Variants in TRPM3 observed in about 807,000 individuals in gnomAD.
The protein encoded by TRPM3 is transient receptor potential cation channel subfamily M member 3, also known as long transient receptor potential channel 3.
Under a neutral mutation model 181.2 loss-of-function variants are expected in TRPM3, and 77 were observed. That is an observed-to-expected ratio of 0.42 (90% confidence interval 0.35 to 0.51). TRPM3 has a LOEUF of 0.51. TRPM3 is among the 20% of genes least tolerant of loss of function. The probability of loss-of-function intolerance (pLI) is 0.01; values close to 1 mark genes in which losing one functional copy is unlikely to be tolerated. For missense variants in TRPM3, 1,759 were observed against 2,196.7 expected (o/e 0.80, Z 3.98); for synonymous variants, 745 against 796.4 (o/e 0.94, Z 1.09).
intron 1 of TRPM3, among the ~76,000 whole-genome samples, chr9:71,358,358 T>C (rs1381955751): frequency 4.6e-5 from 7 of 152,154 alleles, no homozygotes; most frequent in Admixed American, 3.9e-4. Flanking sequence ...TCTAGATCAA[T>C]TGGAAAATCA....
At chr9:71,257,325 T>C (rs1186562035) in intron 1 of TRPM3, among the ~76,000 whole-genome samples, 2 of 152,004 alleles carry the variant, frequency 1.3e-5, no homozygotes, top group Non-Finnish European at 2.9e-5. Flanking sequence ...TGGTAGAGTG[T>C]AAAGAAGAGA....
chr9:71,437,872 A>G (rs970117782), intron 1 of TRPM3, among the ~76,000 whole-genome samples: 9 of 151,740 alleles, frequency 5.9e-5, no homozygotes, highest in Non-Finnish European at 1.2e-4. Context: ...CGGAAAAAAA[A>G]AAAAAAAAGA....
At chr9:70,751,710 T>C (rs1353438915) in intron 8 of TRPM3, among the ~76,000 whole-genome samples, 1 of 152,148 alleles carries the variant, frequency 6.6e-6, no homozygotes, top group Non-Finnish European at 1.5e-5. Context: ...ATAGAGTTAC[T>C]GTTCAAGAAA....
At chr9:71,303,038 A>G (rs1254636562) in intron 1 of TRPM3, among the ~76,000 whole-genome samples, 1 of 152,078 alleles carries the variant, frequency 6.6e-6, no homozygotes, top group Non-Finnish European at 1.5e-5. Flanking sequence ...GGCGCTCACC[A>G]ATGCTCAGAG....
At chr9:70,699,724 G>A (rs2071776962) in intron 8 of TRPM3, among the ~76,000 whole-genome samples, 1 of 152,170 alleles carries the variant, frequency 6.6e-6, no homozygotes. Context: ...ACTGTTAGAG[G>A]TAACTAAATC....
At chr9:70,967,379 A>G (rs1241411004) in intron 1 of TRPM3, among the ~76,000 whole-genome samples, 1 of 146,164 alleles carries the variant, frequency 6.8e-6, no homozygotes, top group Admixed American at 7.0e-5. Flanking sequence ...GGTAAGACAT[A>G]AACTCTAAAT....
intron 1 of TRPM3, among the ~76,000 whole-genome samples, chr9:71,134,430 T>C (rs1046025706): frequency 6.6e-6 from 1 of 151,532 alleles, no homozygotes; most frequent in Non-Finnish European, 1.5e-5. Context: ...TGTGCACCTG[T>C]AGTCCCAGCT....
chr9:70,805,021 G>T (rs1588597265), intron 6 of TRPM3, among the ~76,000 whole-genome samples: 1 of 152,062 alleles, frequency 6.6e-6, no homozygotes, highest in Non-Finnish European at 1.5e-5. Flanking sequence ...CTTTAGCATG[G>T]GAGTACCAGA....
chr9:71,416,644 A>G (rs962722972), intron 1 of TRPM3, among the ~76,000 whole-genome samples: 1 of 151,958 alleles, frequency 6.6e-6, no homozygotes, highest in African/African-American at 2.4e-5. Context: ...TCACATTAAC[A>G]TATGACTTAC....
chr9:71,270,544 A>G (rs1411522847), intron 1 of TRPM3, among the ~76,000 whole-genome samples: 1 of 152,200 alleles, frequency 6.6e-6, no homozygotes, highest in Admixed American at 6.5e-5. Flanking sequence ...AGTGTCATAG[A>G]AACTGCTGCT....
chr9:71,362,341 A>G (rs983096519), intron 1 of TRPM3, among the ~76,000 whole-genome samples: 6 of 152,224 alleles, frequency 3.9e-5, no homozygotes, highest in African/African-American at 1.4e-4. Flanking sequence ...TGACCTCAGA[A>G]ACAGCAGGGT....
intron 1 of TRPM3, among the ~76,000 whole-genome samples, chr9:71,223,121 C>G (rs1437924121): frequency 6.6e-6 from 1 of 152,148 alleles, no homozygotes; most frequent in Non-Finnish European, 1.5e-5. Context: ...CTCCTCCCCC[C>G]AAACCCAGGC....
At chr9:71,430,237 T>C (rs1212039076) in intron 1 of TRPM3, among the ~76,000 whole-genome samples, 1 of 152,172 alleles carries the variant, frequency 6.6e-6, no homozygotes, top group Non-Finnish European at 1.5e-5. Context: ...ATAACACATA[T>C]GAAATATTAA....
chr9:71,207,182 T>A (rs979816334), intron 1 of TRPM3, among the ~76,000 whole-genome samples: 1 of 152,152 alleles, frequency 6.6e-6, no homozygotes, highest in Non-Finnish European at 1.5e-5. Context: ...AATTCATTTT[T>A]CTTAAATAAA....
intron 1 of TRPM3, among the ~76,000 whole-genome samples, chr9:71,271,209 G>A (rs575183046): frequency 5.9e-5 from 9 of 152,264 alleles, no homozygotes; most frequent in Admixed American, 6.5e-5. Flanking sequence ...ACCCTGTCAC[G>A]TGTTATGAAA....
chr9:70,912,544 A>G lies in TRPM3; in HGVS notation c.178-48033T>C, dbSNP rs889607937. Among the ~76,000 whole-genome samples, 55 of 152,212 alleles carry G rather than the reference A, an allele frequency of 3.6e-4. 1 individual carries two copies. The highest frequency in any genetic ancestry group is 1.5e-3 in the Admixed American group (23 of 15,280). Reference sequence around the variant, plus strand: ...TTCTCAGATAGTGCTGATAGTAGATAAGGAAAGTGAGGAGAGTAAGGAAAT... The same window carrying G: ...TTCTCAGATAGTGCTGATAGTAGATGAGGAAAGTGAGGAGAGTAAGGAAAT... On this transcript the variant is annotated intron_variant, in intron 1 of 25. Transcript: ENST00000677713.
intron 1 of TRPM3, among the ~76,000 whole-genome samples, chr9:71,391,528 G>A (rs2309899): frequency 0.99 from 150,249 of 152,196 alleles, 74,201 homozygotes; most frequent in East Asian, 1. Context: ...GACTTTTTAA[G>A]CTCAATTTAT....
At chr9:71,427,976 C>G (rs2093894330) in intron 1 of TRPM3, among the ~76,000 whole-genome samples, 4 of 152,164 alleles carry the variant, frequency 2.6e-5, no homozygotes, top group Admixed American at 2.6e-4. Flanking sequence ...GGGTTATCAA[C>G]TAAATCACCT....
chr9:71,168,250 T>C (rs1205039752), intron 1 of TRPM3, among the ~76,000 whole-genome samples: 1 of 152,202 alleles, frequency 6.6e-6, no homozygotes, highest in Non-Finnish European at 1.5e-5. Flanking sequence ...TTTCTGAATA[T>C]GCATCTTATC....
Sources: allele counts gnomAD v4.1 joint callset (sites outside exome capture counted in the v4.1 genomes callset), GRCh38; gene constraint gnomAD v4.1.1; transcripts MANE v1.5; gene names NCBI Gene and HGNC (gene_info 2026-07-23, HGNC 2026-07-21).